The following TENM2 variants were observed in gnomAD, a reference collection of about 807,000 sequenced individuals.
The protein encoded by TENM2 is teneurin transmembrane protein 2.
A neutral mutation model predicts 245.2 loss-of-function variants in TENM2; 52 were observed. The ratio of observed to expected loss-of-function variants is 0.21; its 90% CI spans 0.17 to 0.27. The LOEUF (loss-of-function observed/expected upper bound fraction) is 0.27. Ranked by LOEUF, TENM2 falls within the 10% of genes least tolerant of loss-of-function variation. The pLI, the probability that TENM2 is intolerant of heterozygous loss-of-function variation, is 1.00. For missense variants in TENM2, 3,046 were observed against 3,666.8 expected (o/e 0.83, Z 4.37); for synonymous variants, 1,363 against 1,438.9 (o/e 0.95, Z 1.19).
At chr5:167,805,275 T>C (rs1050296421) in intron 2 of TENM2, among the ~76,000 whole-genome samples, 8 of 152,164 alleles carry the variant, frequency 5.3e-5, no homozygotes, top group African/African-American at 1.9e-4. Context: ...CCTATGGTTC[T>C]CAAAGTTGGT....
intron 2 of TENM2, among the ~76,000 whole-genome samples, chr5:167,725,452 G>A (rs1032830433): frequency 4.6e-5 from 7 of 152,110 alleles, no homozygotes; most frequent in Non-Finnish European, 1.0e-4. Flanking sequence ...TCCTAGCACT[G>A]ACTTACTGAA....
At chr5:167,104,821 A>G in the TENM2 span, among the ~76,000 whole-genome samples, 8 of 152,234 alleles carry the variant, frequency 5.3e-5, no homozygotes, top group African/African-American at 1.9e-4. Flanking sequence ...CATTTAAAAA[A>G]TATATGGAAT....
chr5:167,577,217 C>T (rs1024482404), intron 2 of TENM2, among the ~76,000 whole-genome samples: 2 of 152,094 alleles, frequency 1.3e-5, no homozygotes, highest in Non-Finnish European at 2.9e-5. Context: ...TAACTGATTT[C>T]AATAGTGAAA....
chr5:167,685,127 C>T (rs1158008922), intron 2 of TENM2, among the ~76,000 whole-genome samples: 1 of 152,080 alleles, frequency 6.6e-6, no homozygotes, highest in Non-Finnish European at 1.5e-5. Flanking sequence ...TTTCAGAAGG[C>T]AACTTAAAAA....
intron 2 of TENM2, among the ~76,000 whole-genome samples, chr5:167,502,489 C>A (rs1014587361): frequency 9.2e-5 from 14 of 152,170 alleles, no homozygotes; most frequent in Non-Finnish European, 1.5e-5. Flanking sequence ...CACTCAACTA[C>A]AACTTTTAAT....
At chr5:167,331,631 C>T (rs1487749047) in intron 1 of TENM2, among the ~76,000 whole-genome samples, 1 of 152,160 alleles carries the variant, frequency 6.6e-6, no homozygotes, top group Non-Finnish European at 1.5e-5. Flanking sequence ...CTTCTGTTTG[C>T]AAGATATATT....
intron 2 of TENM2, among the ~76,000 whole-genome samples, chr5:167,766,367 G>T (rs574088683): frequency 8.9e-4 from 135 of 152,246 alleles, no homozygotes; most frequent in African/African-American, 3.1e-3. Flanking sequence ...AGAGATTCCC[G>T]CAGTTAACAG....
intron 2 of TENM2, among the ~76,000 whole-genome samples, chr5:167,674,343 G>A (rs568145513): frequency 2.8e-4 from 42 of 152,114 alleles, no homozygotes; most frequent in African/African-American, 9.6e-4. Flanking sequence ...ATCTTTGAAC[G>A]TTTATTCTTT....
At chr5:167,890,859 C>T (rs982842918) in intron 3 of TENM2, among the ~76,000 whole-genome samples, 3 of 152,144 alleles carry the variant, frequency 2.0e-5, no homozygotes, top group Non-Finnish European at 4.4e-5. Context: ...TGTTGGCACA[C>T]CATCTTTACT....
intron 2 of TENM2, among the ~76,000 whole-genome samples, chr5:167,401,507 G>A (rs1762364884): frequency 6.6e-6 from 1 of 152,052 alleles, no homozygotes; most frequent in Non-Finnish European, 1.5e-5. Flanking sequence ...TTTTTAAAAG[G>A]ACAAAGTGTA....
In TENM2 at chr5:167,622,091, A is replaced by G. The variant is rs940011520; in HGVS notation, c.502+246618A>G. Among the ~76,000 whole-genome samples the G allele has an allele frequency of 3.3e-5, 5 of 152,290 alleles. No homozygotes were observed. The East Asian group carries it at 9.6e-4, about 29-fold the overall frequency. On this transcript the variant is annotated intron_variant, in intron 2 of 28. Coordinates refer to ENST00000518659, the Ensembl canonical transcript of TENM2. ...TTAATAAGATTACATAAGTGTTTCA[A>G]TTTTTTACATACTTGCAATTTATCT...
intron 2 of TENM2, among the ~76,000 whole-genome samples, chr5:167,494,401 C>A (rs1218762074): frequency 4.6e-5 from 7 of 152,216 alleles, no homozygotes; most frequent in Non-Finnish European, 8.8e-5. Context: ...GCTAAAAGGT[C>A]TTTTGAGCAA....
chr5:168,138,064 T>C lies in TENM2; in HGVS notation c.2422+11098T>C, dbSNP rs140857643. Among the ~76,000 whole-genome samples the C allele has an allele frequency of 3.5e-3, 537 of 152,364 alleles. 1 individual carries two copies. The highest frequency in any genetic ancestry group is 5.7e-3 in the Non-Finnish European group (386 of 68,038). On this transcript the variant is annotated intron_variant, in intron 12 of 28. Coordinates refer to ENST00000518659, the Ensembl canonical transcript of TENM2. ...AGAATGTAACATCTTTTCTCTTTGC[T>C]ATTAACATTCTTTGTCAATGCTTGA... is the stretch of plus-strand genomic sequence containing the variant.
the TENM2 span, among the ~76,000 whole-genome samples, chr5:167,114,533 G>A: frequency 6.6e-6 from 1 of 152,130 alleles, no homozygotes; most frequent in African/African-American, 2.4e-5. Context: ...TCTACAAGAA[G>A]GAACAATTAT....
the TENM2 span, among the ~76,000 whole-genome samples, chr5:167,084,177 T>G: frequency 1.3e-5 from 2 of 151,174 alleles, no homozygotes; most frequent in East Asian, 2.0e-4. Context: ...CTTTCTCAAG[T>G]TCCCTGAACA....
chr5:167,760,861 G>C (rs555281921), intron 2 of TENM2, among the ~76,000 whole-genome samples: 1 of 152,270 alleles, frequency 6.6e-6, no homozygotes, highest in Admixed American at 6.5e-5. Context: ...ATGTTAGTCA[G>C]GCTGGTCTCG....
intron 2 of TENM2, among the ~76,000 whole-genome samples, chr5:167,511,454 C>T (rs1028513459): frequency 3.9e-5 from 6 of 152,130 alleles, no homozygotes; most frequent in Admixed American, 3.3e-4. Context: ...CACTGATCAC[C>T]CTTAATGCTT....
intron 2 of TENM2, among the ~76,000 whole-genome samples, chr5:167,803,446 G>A (rs1436758290): frequency 6.6e-6 from 1 of 152,128 alleles, no homozygotes; most frequent in Non-Finnish European, 1.5e-5. Context: ...AAATGAACCA[G>A]TGACAGCTTT....
intron 8 of TENM2, among the ~76,000 whole-genome samples, chr5:168,094,135 A>C (rs1310205518): frequency 6.6e-6 from 1 of 151,310 alleles, no homozygotes; most frequent in East Asian, 1.9e-4. Context: ...GCTTGGTGAG[A>C]GAAGATAGAT....
Sources: gnomAD v4.1 joint callset for allele counts (sites outside exome capture counted in the v4.1 genomes callset) on GRCh38, gnomAD v4.1.1 for gene constraint, MANE v1.5 for transcripts, NCBI Gene and HGNC (gene_info 2026-07-23, HGNC 2026-07-21) for gene names.